The following NXPE4 variants were observed in gnomAD, a reference collection of about 807,000 sequenced individuals.
The protein encoded by NXPE4 is NXPE family member 4.
In NXPE4, 42 loss-of-function variants were observed where a neutral mutation model predicts 33.3. The observed-to-expected ratio is 1.26, with a 90% CI of 0.98 to 1.63. The LOEUF (loss-of-function observed/expected upper bound fraction) is 1.63, where lower values mean the gene tolerates loss of function less well. Ranked by LOEUF, NXPE4 falls within the 40% of genes most tolerant of loss-of-function variation. NXPE4 has a pLI of 0.00. For missense variants in NXPE4, 709 were observed against 647.6 expected (o/e 1.09, Z -1.03); for synonymous variants, 253 against 234.9 (o/e 1.08, Z -0.71).
the NXPE4 span, among the ~76,000 whole-genome samples, chr11:114,626,765 CT>C: frequency 6.6e-6 from 1 of 152,038 alleles, no homozygotes; most frequent in East Asian, 1.9e-4. Flanking sequence ...AAGTTGAAAA[CT>C]TTGAAAAAAA....
At chr11:114,634,155 C>T in the NXPE4 span, among the ~76,000 whole-genome samples, 1 of 151,632 alleles carries the variant, frequency 6.6e-6, no homozygotes, top group Non-Finnish European at 1.5e-5. Context: ...GATTGCCATT[C>T]TAACTGGTGT....
chr11:114,671,263 A>T, the NXPE4 span, among the ~76,000 whole-genome samples: 5 of 151,544 alleles, frequency 3.3e-5, no homozygotes, highest in Non-Finnish European at 1.5e-5. Flanking sequence ...AGAGAAAAAT[A>T]ATAAGAATAT....
the NXPE4 span, among the ~76,000 whole-genome samples, chr11:114,650,418 G>A: frequency 6.6e-6 from 1 of 152,228 alleles, no homozygotes; most frequent in South Asian, 2.1e-4. Flanking sequence ...AAGACTCAGA[G>A]AAGACCAGGA....
intron 5 of NXPE4, among the ~76,000 whole-genome samples, chr11:114,573,294 A>G (rs1948931068): frequency 6.6e-6 from 1 of 152,134 alleles, no homozygotes; most frequent in South Asian, 2.1e-4. Flanking sequence ...AAATAATGCA[A>G]TGAAAAGAAA....
chr11:114,612,079 G>C, the NXPE4 span, among the ~76,000 whole-genome samples: 1 of 151,886 alleles, frequency 6.6e-6, no homozygotes, highest in Non-Finnish European at 1.5e-5. Context: ...TTACATGGTG[G>C]ATAATAAGTG....
At chr11:114,658,594 G>A in the NXPE4 span, among the ~76,000 whole-genome samples, 2 of 152,160 alleles carry the variant, frequency 1.3e-5, no homozygotes, top group African/African-American at 4.8e-5. Flanking sequence ...TGGCAGAAGG[G>A]CAGCAAACTC....
the NXPE4 span, among the ~76,000 whole-genome samples, chr11:114,642,731 C>CA: frequency 1.3e-5 from 2 of 151,994 alleles, no homozygotes; most frequent in Admixed American, 1.3e-4. Flanking sequence ...CATATGTGTG[C>CA]ATGTGTCTTT....
In NXPE4 at chr11:114,583,008, A is replaced by G; in HGVS notation, c.110T>C (p.Leu37Pro). 1 of 1,610,182 alleles carries G rather than the reference A, an allele frequency of 6.2e-7. No individual in the cohort carries two copies. Among genetic ancestry groups the G allele is most frequent in the Middle Eastern group, 1.7e-4 (1 of 6,044 alleles). ...GTAATGGAGGGAGATGGATAAGTTTAGAGCAGACCAAACCTGAAATGACAG... is the reference window on the plus strand; with the variant it reads ...GTAATGGAGGGAGATGGATAAGTTTGGAGCAGACCAAACCTGAAATGACAG... ...FQNSTKVWSA[L>P]NLSISLHYWN... Residue 37 changes from leucine (L) to proline (P), a missense_variant, in exon 3 of 6, where the codon CTA (leucine) becomes CCA (proline). By Grantham distance (98) the Leu-to-Pro change is moderately conservative (BLOSUM62 -3). Coordinates refer to ENST00000375478, the MANE Select transcript of NXPE4 (RefSeq NM_001077639.2).
At chr11:114,636,846 GT>G in the NXPE4 span, among the ~76,000 whole-genome samples, 5 of 152,160 alleles carry the variant, frequency 3.3e-5, no homozygotes, top group African/African-American at 9.6e-5. Flanking sequence ...TATAATTTCT[GT>G]TCTTTTACAT....
chr11:114,645,984 C>T, the NXPE4 span, among the ~76,000 whole-genome samples: 1 of 152,048 alleles, frequency 6.6e-6, no homozygotes, highest in African/African-American at 2.4e-5. Flanking sequence ...TTTGACTCAG[C>T]ATTTATATCT....
chr11:114,621,667 GATA>G, the NXPE4 span, among the ~76,000 whole-genome samples: 1 of 152,168 alleles, frequency 6.6e-6, no homozygotes, highest in African/African-American at 2.4e-5. Context: ...TTACCCTGTG[GATA>G]ATAAGTGATG....
At chr11:114,623,620 T>C in the NXPE4 span, among the ~76,000 whole-genome samples, 1 of 152,170 alleles carries the variant, frequency 6.6e-6, no homozygotes, top group Non-Finnish European at 1.5e-5. Context: ...TTACCCGTTT[T>C]ACCCACTGGA....
intron 5 of NXPE4, among the ~76,000 whole-genome samples, chr11:114,579,022 G>C (rs1229367050): frequency 6.6e-6 from 1 of 152,136 alleles, no homozygotes; most frequent in Non-Finnish European, 1.5e-5. Context: ...AGGAATACCT[G>C]AGGCTGGGTA....
At chr11:114,636,573 C>A in the NXPE4 span, among the ~76,000 whole-genome samples, 2,800 of 139,748 alleles carry the variant, frequency 0.02, 38 homozygotes, top group Non-Finnish European at 0.026. Flanking sequence ...AATTTTGGAT[C>A]TTTCCTGCTT....
chr11:114,677,029 A>G, the NXPE4 span, among the ~76,000 whole-genome samples: 1 of 152,206 alleles, frequency 6.6e-6, no homozygotes, highest in Non-Finnish European at 1.5e-5. Flanking sequence ...CGGAAAGATA[A>G]CTATTGCATT....
At chr11:114,627,982 T>C in the NXPE4 span, among the ~76,000 whole-genome samples, 1 of 151,924 alleles carries the variant, frequency 6.6e-6, no homozygotes, top group Non-Finnish European at 1.5e-5. Flanking sequence ...ATCCTAAATA[T>C]ATATGGACCC....
At chr11:114,585,447 G>T (rs1349897441) in intron 2 of NXPE4, among the ~76,000 whole-genome samples, 10 of 152,052 alleles carry the variant, frequency 6.6e-5, no homozygotes, top group Non-Finnish European at 1.5e-5. Flanking sequence ...GATATTCCAT[G>T]CAAATGGAAA....
chr11:114,649,375 T>C, the NXPE4 span, among the ~76,000 whole-genome samples: 1 of 152,214 alleles, frequency 6.6e-6, no homozygotes, highest in African/African-American at 2.4e-5. Flanking sequence ...ATGTGGCATA[T>C]GAACACAATG....
At position 114,582,493 on chromosome 11, in the gene NXPE4, C is replaced by A. The variant is rs1251020098; in HGVS notation, c.625G>T (p.Val209Phe). The A allele has an allele frequency of 1.2e-6, 2 of 1,614,010 alleles. No homozygotes were observed. Among genetic ancestry groups the A allele is most frequent in the South Asian group, 1.1e-5 (1 of 91,088 alleles). ...YDRVIFTGQF[V>F]NGTSQVHSEC... ...GAGTGGACTTGGGAAGTGCCATTGA[C>A]AAACTGGCCAGTGAAGATCACCCTG... The change falls in exon 3 of 6, where the codon GTC (valine) becomes TTC (phenylalanine). Residue 209 changes from valine to phenylalanine, a missense_variant. Physicochemically the swap from Val to Phe is conservative, Grantham distance 50. Coordinates refer to ENST00000375478, the MANE Select transcript of NXPE4 (RefSeq NM_001077639.2).
Sources: gnomAD v4.1 joint callset for allele counts (sites outside exome capture counted in the v4.1 genomes callset) on GRCh38, gnomAD v4.1.1 for gene constraint, MANE v1.5 for transcripts, NCBI Gene and HGNC (gene_info 2026-07-23, HGNC 2026-07-21) for gene names.